MARK3: variants seen among roughly 807,000 people sequenced by gnomAD.
MARK3 encodes the protein MAP/microtubule affinity-regulating kinase 3.
In MARK3, 46 loss-of-function variants were observed where a neutral mutation model predicts 90.1. The ratio of observed to expected loss-of-function variants is 0.51; its 90% confidence interval spans 0.40 to 0.65. The LOEUF (loss-of-function observed/expected upper bound fraction) is 0.65, where lower values mean the gene tolerates loss of function less well. MARK3 is among the 30% of genes least tolerant of loss of function. MARK3 has a pLI of 0.00. For missense variants in MARK3, 818 were observed against 947.2 expected (o/e 0.86, Z 1.79); for synonymous variants, 321 against 332.6 (o/e 0.97, Z 0.38).
At chr14:103,412,147 G>A (rs1444054222) in intron 2 of MARK3, 2 of 1,346,642 alleles carry the variant, frequency 1.5e-6, no homozygotes, top group East Asian at 4.8e-5. Flanking sequence ...CTTGCCCGTG[G>A]TGCTCTTGAT....
intron 4 of MARK3, 56 bp from the exon 5 acceptor site, chr14:103,451,862 G>T: frequency 8.0e-7 from 1 of 1,242,904 alleles, no homozygotes; most frequent in South Asian, 1.3e-5. Context: ...TATGTGCATG[G>T]TTTGTGCATA....
At position 103,503,792 on chromosome 14, in the gene MARK3, A is replaced by G. The variant is rs1157956209; in HGVS notation, c.*565A>G. On this transcript the variant is annotated 3_prime_UTR_variant, in exon 18 of 18. Transcript: ENST00000429436. The stretch of plus-strand genomic sequence containing the variant: ...TGCTTGTGTGTGTTTTTCTAAGTAG[A>G]TTCACAAGATAATTAAAAATTCACT... The G allele has an allele frequency of 6.5e-6, 1 of 153,028 alleles. No homozygotes were observed. The highest frequency in any genetic ancestry group is 1.5e-5 in the Non-Finnish European group (1 of 68,386). The allele number at this position is 153,028 out of a possible 1,614,324, so 9.5% of individuals were successfully genotyped here.
chr14:103,460,073 CTTTTTTTTTT>C lies in MARK3; in HGVS notation c.484-2310_484-2301del, dbSNP rs571611660. On this transcript the variant is annotated intron_variant, in intron 6 of 17. Transcript: ENST00000429436. ...AAAAAGAATAGATTTCCAGCTCCAT[CTTTTTTTTTT>C]TTTTTTTTTTTTTTTTTTTTTGAGA... Among the ~76,000 whole-genome samples the C allele has an allele frequency of 3.3e-3, 136 of 41,718 alleles. 1 individual carries two copies. The highest frequency in any genetic ancestry group is 4.8e-3 in the Non-Finnish European group (122 of 25,342). The allele number at this position is 41,718 out of a possible 152,430, so 27.4% of individuals were successfully genotyped here.
At chr14:103,452,103 G>T (rs552643012) in intron 5 of MARK3, 120 bp downstream of exon 5, 2 of 616,660 alleles carry the variant, frequency 3.2e-6, no homozygotes, top group Admixed American at 3.2e-5. Context: ...GCCATAATAC[G>T]CTAGGATGAG....
At chr14:103,467,022 AAAG>A in intron 10 of MARK3, 54 bp from the exon 11 acceptor site, 5 of 813,814 alleles carry the variant, frequency 6.1e-6, no homozygotes, top group South Asian at 2.0e-5. Flanking sequence ...AAAAAAAAAA[AAAG>A]GATGATTTCT....
rs558838392 is a variant in MARK3 at position 103,466,178 on chromosome 14, A to G, written c.897+87A>G. On this transcript the variant is annotated intron_variant, in intron 9 of 17. Transcript: ENST00000429436. Reference sequence around the variant, plus strand: ...TTGCTTGATTTGTATGCCATACTGGATATATCCTGCGGCTTTTTAAGCAAG... The same window carrying G: ...TTGCTTGATTTGTATGCCATACTGGGTATATCCTGCGGCTTTTTAAGCAAG... 9.0e-5 allele frequency: 135 copies of G among 1,501,152 alleles called. No individual in the cohort carries two copies. In the African/African-American group the frequency reaches 1.7e-3, roughly 19 times the overall value. 93.0% of individuals were successfully genotyped at this position (1,501,152 alleles called of 1,614,324 possible). A position where few individuals can be genotyped will look rare whatever the true frequency, so the allele number is the denominator to read the frequency against.
intron 1 of MARK3, among the ~76,000 whole-genome samples, chr14:103,390,591 A>T (rs943072686): frequency 6.6e-6 from 1 of 152,228 alleles, no homozygotes; most frequent in Non-Finnish European, 1.5e-5. Context: ...GCTTTAAAAA[A>T]ACTGCAAAAA....
Position 103,466,103 on chromosome 14 carries a change from G to T in MARK3, c.897+12G>T. 3 of 1,611,442 alleles carry T rather than the reference G, an allele frequency of 1.9e-6. No homozygotes were observed. The highest frequency in any genetic ancestry group is 2.5e-6 in the Non-Finnish European group (3 of 1,179,288). On this transcript the variant is annotated intron_variant, in intron 9 of 17. Transcript: ENST00000429436. ...GCGGCACTCTAGAGGTAATCATGTA[G>T]GTGGAAACAAGCAGTAACTTTGGAG...
intron 6 of MARK3, chr14:103,458,885 G>T: frequency 4.1e-6 from 2 of 485,168 alleles, no homozygotes; most frequent in Non-Finnish European, 7.4e-6. Context: ...TTCAAATCTA[G>T]TAAAACCAAA....
At chr14:103,427,171 T>TG (rs2092433781) in intron 2 of MARK3, among the ~76,000 whole-genome samples, 1 of 151,064 alleles carries the variant, frequency 6.6e-6, no homozygotes, top group Non-Finnish European at 1.5e-5. Flanking sequence ...TTTCTTTTTT[T>TG]TTTTTCTTTT....
intron 3 of MARK3, among the ~76,000 whole-genome samples, chr14:103,447,897 C>T (rs560435289): frequency 2.6e-5 from 4 of 152,164 alleles, no homozygotes; most frequent in South Asian, 4.1e-4. Flanking sequence ...CTCAGCCTCC[C>T]GAGTAGCTGG....
At chr14:103,466,478 G>A in intron 10 of MARK3, 36 bp downstream of exon 10, 4 of 1,365,650 alleles carry the variant, frequency 2.9e-6, no homozygotes, top group Non-Finnish European at 4.1e-6. Flanking sequence ...ATGTGTTTTT[G>A]TCTAAGTAAC....
chr14:103,390,467 T>TC (rs869232124), intron 1 of MARK3, among the ~76,000 whole-genome samples: 3 of 262 alleles, frequency 0.011, no homozygotes, highest in African/African-American at 0.02. Flanking sequence ...TTTCTAAAAC[T>TC]TTTTTTTAAG....
chr14:103,432,541 C>T lies in MARK3; in HGVS notation c.297+4101C>T, dbSNP rs188718818. Among the ~76,000 whole-genome samples, 157 of 137,276 alleles carry T rather than the reference C, an allele frequency of 1.1e-3. 2 individuals carry two copies. Among genetic ancestry groups the T allele is most frequent in the East Asian group, 6.6e-4 (3 of 4,546 alleles). The allele number at this position is 137,276 out of a possible 152,430, so 90.1% of individuals were successfully genotyped here. On this transcript the variant is annotated intron_variant, in intron 3 of 17. Transcript: ENST00000429436. The stretch of plus-strand genomic sequence containing the variant: ...GCTGAGCAGAAGTTGGCTTTAGAGA[C>T]AGGCAAAGGCTGAAGAAGGCTGAGG...
intron 4 of MARK3, among the ~76,000 whole-genome samples, chr14:103,449,844 C>G (rs1272237238): frequency 6.6e-6 from 1 of 152,158 alleles, no homozygotes; most frequent in Admixed American, 6.5e-5. Flanking sequence ...AATGAAATCA[C>G]TCTTAAGACA....
chr14:103,450,918 ATTCT>A (rs1566866032), intron 4 of MARK3, among the ~76,000 whole-genome samples: 9 of 29,716 alleles, frequency 3.0e-4, no homozygotes, highest in Non-Finnish European at 3.4e-4. Flanking sequence ...GTGTGTGTGT[ATTCT>A]TTTTTTTTTT....
At chr14:103,451,166 GAAA>G in intron 4 of MARK3, among the ~76,000 whole-genome samples, 1 of 151,776 alleles carries the variant, frequency 6.6e-6, no homozygotes, top group Admixed American at 6.6e-5. Context: ...CTCCTCAGCA[GAAA>G]CGATCCACCC....
At chr14:103,412,543 C>T (rs1439317071) in intron 2 of MARK3, 3 of 588,842 alleles carry the variant, frequency 5.1e-6, no homozygotes, top group Admixed American at 2.5e-5. Flanking sequence ...GCCTTGGTCT[C>T]GTCACAGTGC....
At chr14:103,460,723 A>G (rs2093384926) in intron 6 of MARK3, among the ~76,000 whole-genome samples, 1 of 152,236 alleles carries the variant, frequency 6.6e-6, no homozygotes, top group African/African-American at 2.4e-5. Context: ...CAATATGAGG[A>G]AAAACTAATA....
Sources: allele counts gnomAD v4.1 joint callset (sites outside exome capture counted in the v4.1 genomes callset), GRCh38; gene constraint gnomAD v4.1.1; transcripts MANE v1.5; gene names NCBI Gene and HGNC (gene_info 2026-07-23, HGNC 2026-07-21).